SGCZ: variants seen among roughly 807,000 people sequenced by gnomAD.
SGCZ encodes the protein zeta-sarcoglycan.
In SGCZ, 40 loss-of-function variants were observed where a neutral mutation model predicts 41.3. The observed-to-expected ratio is 0.97, with a 90% CI of 0.75 to 1.26. The LOEUF is 1.26. SGCZ is among the 50% of genes most tolerant of loss of function. SGCZ has a pLI of 0.00. For missense variants in SGCZ, 552 were observed against 369.8 expected (o/e 1.49, Z -4.04); for synonymous variants, 206 against 137.5 (o/e 1.50, Z -3.49).
intron 1 of SGCZ, among the ~76,000 whole-genome samples, chr8:14,672,971 G>T (rs1281165740): frequency 6.6e-6 from 1 of 152,312 alleles, no homozygotes; most frequent in East Asian, 1.9e-4. Context: ...TGGAAAGAAA[G>T]CAGTGTTGCT....
chr8:15,049,516 A>G (rs575809577), intron 1 of SGCZ, among the ~76,000 whole-genome samples: 56 of 152,238 alleles, frequency 3.7e-4, no homozygotes, highest in African/African-American at 1.3e-3. Context: ...ACATTTTTAA[A>G]AGATTGCTCT....
intron 2 of SGCZ, among the ~76,000 whole-genome samples, chr8:14,462,587 A>G (rs77840655): frequency 0.046 from 6,923 of 151,920 alleles, 493 homozygotes; most frequent in African/African-American, 0.16. Flanking sequence ...CTATGTGCCT[A>G]TTTTTGCCAG....
At chr8:15,204,739 C>T (rs1178211192) in intron 1 of SGCZ, among the ~76,000 whole-genome samples, 1 of 152,134 alleles carries the variant, frequency 6.6e-6, no homozygotes, top group Non-Finnish European at 1.5e-5. Context: ...TAATATTAAT[C>T]ATCTCTACTT....
intron 5 of SGCZ, among the ~76,000 whole-genome samples, chr8:14,147,341 C>T (rs1803558038): frequency 6.6e-6 from 1 of 152,016 alleles, no homozygotes; most frequent in African/African-American, 2.4e-5. Flanking sequence ...TATAAAGATA[C>T]ACACAGACTG....
At chr8:14,501,070 TA>T (rs1273773153) in intron 2 of SGCZ, among the ~76,000 whole-genome samples, 2 of 152,072 alleles carry the variant, frequency 1.3e-5, no homozygotes, top group Non-Finnish European at 2.9e-5. Context: ...AAGCTGTTAG[TA>T]GGGTTGCATT....
At chr8:14,393,795 A>C (rs1197025269) in intron 2 of SGCZ, among the ~76,000 whole-genome samples, 1 of 152,186 alleles carries the variant, frequency 6.6e-6, no homozygotes, top group Admixed American at 6.5e-5. Flanking sequence ...ATTTATAAAC[A>C]AAAGCAAATA....
At chr8:14,454,982 C>T (rs558645288) in intron 2 of SGCZ, among the ~76,000 whole-genome samples, 8 of 152,186 alleles carry the variant, frequency 5.3e-5, no homozygotes, top group South Asian at 4.2e-4. Flanking sequence ...AGTATTCCTA[C>T]GGATAACTCA....
intron 3 of SGCZ, among the ~76,000 whole-genome samples, chr8:14,245,219 T>G (rs1248258176): frequency 6.6e-6 from 1 of 152,116 alleles, no homozygotes; most frequent in African/African-American, 2.4e-5. Flanking sequence ...AGTATGATAT[T>G]GACTGTGGGT....
chr8:14,551,542 A>AC (rs1279768858), intron 2 of SGCZ, among the ~76,000 whole-genome samples: 1 of 7,088 alleles, frequency 1.4e-4, no homozygotes, highest in Non-Finnish European at 2.7e-4. Flanking sequence ...TAATATATAT[A>AC]ATATATATAA....
Position 15,085,645 on chromosome 8 carries a change from G to A in SGCZ, c.39+151940C>T, listed in dbSNP as rs150941148. On this transcript the variant is annotated intron_variant, in intron 1 of 7. Transcript: ENST00000382080. ...ATCCCTCCTTAAAAAATTAGTTCCA[G>A]AACAAGTTGAACTATAATGTACATT... 6.2e-3 allele frequency among the ~76,000 whole-genome samples: 937 copies of A among 152,246 alleles called. 7 individuals are homozygous for A. The highest frequency in any genetic ancestry group is 0.018 in the African/African-American group (745 of 41,542).
At chr8:14,596,383 G>A (rs147694529) in intron 1 of SGCZ, among the ~76,000 whole-genome samples, 175 of 152,198 alleles carry the variant, frequency 1.1e-3, no homozygotes, top group Admixed American at 2.7e-3. Context: ...AATATTTGAT[G>A]AACGACAATT....
intron 1 of SGCZ, among the ~76,000 whole-genome samples, chr8:15,220,599 G>C (rs1369855751): frequency 6.6e-6 from 1 of 152,160 alleles, no homozygotes; most frequent in Non-Finnish European, 1.5e-5. Context: ...GTGGAAGACA[G>C]TGTGTCGATT....
At chr8:15,136,586 G>C (rs962733733) in intron 1 of SGCZ, among the ~76,000 whole-genome samples, 12 of 152,000 alleles carry the variant, frequency 7.9e-5, no homozygotes, top group Non-Finnish European at 1.6e-4. Flanking sequence ...GAATCATGGG[G>C]GTGGTTTCTC....
chr8:14,877,793 T>C (rs1272339817), intron 1 of SGCZ, among the ~76,000 whole-genome samples: 1 of 152,154 alleles, frequency 6.6e-6, no homozygotes, highest in East Asian at 1.9e-4. Flanking sequence ...TTTATTCGTT[T>C]TTTTATGGGA....
At chr8:14,510,613 G>T (rs969331168) in intron 2 of SGCZ, among the ~76,000 whole-genome samples, 2 of 152,078 alleles carry the variant, frequency 1.3e-5, no homozygotes, top group African/African-American at 4.8e-5. Context: ...GATTTTGTGA[G>T]TAAAATACAT....
chr8:14,415,255 T>C lies in SGCZ; in HGVS notation c.235-91051A>G, dbSNP rs143295763. The stretch of plus-strand genomic sequence containing the variant: ...GTTTTCAATCATATAAGTTCCAAAA[T>C]TGCATAATGGATTATCCAAATTAAT... On this transcript the variant is annotated intron_variant, in intron 2 of 7. Coordinates refer to ENST00000382080, the MANE Select transcript of SGCZ (RefSeq NM_139167.4). 6.9e-3 allele frequency among the ~76,000 whole-genome samples: 1,052 copies of C among 152,020 alleles called. 17 individuals carry two copies. Among genetic ancestry groups the C allele is most frequent in the African/African-American group, 0.025 (1,020 of 41,542 alleles).
chr8:14,097,189 G>C (rs1164837267), intron 7 of SGCZ, among the ~76,000 whole-genome samples: 1 of 151,872 alleles, frequency 6.6e-6, no homozygotes, highest in East Asian at 1.9e-4. Context: ...GTGATGTTAG[G>C]GTGTTGATTT....
intron 1 of SGCZ, among the ~76,000 whole-genome samples, chr8:14,556,905 TA>T (rs1020872654): frequency 1.3e-5 from 2 of 152,152 alleles, no homozygotes; most frequent in South Asian, 2.1e-4. Context: ...GAAAGTGAAG[TA>T]TTTTTTTTGT....
Position 14,301,818 on chromosome 8 carries a change from G to C in SGCZ, c.336+22285C>G, listed in dbSNP as rs565360689. Among the ~76,000 whole-genome samples the C allele has an allele frequency of 3.3e-5, 5 of 152,214 alleles. No homozygotes were observed. In the South Asian group the frequency reaches 1.0e-3, roughly 32 times the overall value. On this transcript the variant is annotated intron_variant, in intron 3 of 7. Coordinates refer to ENST00000382080, the MANE Select transcript of SGCZ (RefSeq NM_139167.4). ...ATAGTTTTTAAGTTATGACTTTATA[G>C]TATTTTGTTATTCATCTATCTCTTT...
Sources: allele counts gnomAD v4.1 joint callset (sites outside exome capture counted in the v4.1 genomes callset), GRCh38; gene constraint gnomAD v4.1.1; transcripts MANE v1.5; gene names NCBI Gene and HGNC (gene_info 2026-07-23, HGNC 2026-07-21).